Variants in BNIP2 observed in about 807,000 individuals in gnomAD.
The protein encoded by BNIP2 is BCL2/adenovirus E1B 19 kDa protein-interacting protein 2.
A neutral mutation model predicts 43.4 loss-of-function variants in BNIP2; 36 were observed. The ratio of observed to expected loss-of-function variants is 0.83; its 90% confidence interval spans 0.64 to 1.10. The LOEUF is 1.10. Ranked by LOEUF, BNIP2 falls within the 50% of genes least tolerant of loss-of-function variation. The pLI, the probability that BNIP2 is intolerant of heterozygous loss-of-function variation, is 0.00. For synonymous variants in BNIP2, 146 were observed against 121.0 expected, an observed-to-expected ratio of 1.21 and a Z score of -1.35; for missense variants, 417 against 374.1, an observed-to-expected ratio of 1.11 and a Z score of -0.95.
At chr15:59,667,028 C>T (rs1378206064) in intron 9 of BNIP2, among the ~76,000 whole-genome samples, 2 of 152,182 alleles carry the variant, frequency 1.3e-5, no homozygotes, top group African/African-American at 2.4e-5. Flanking sequence ...AAATATTCTA[C>T]AATTACAAAT....
At chr15:59,684,894 C>T (rs1432935169) in intron 1 of BNIP2, among the ~76,000 whole-genome samples, 1 of 152,130 alleles carries the variant, frequency 6.6e-6, no homozygotes, top group Admixed American at 6.5e-5. Flanking sequence ...ACCATGGTGC[C>T]TAGCACATAA....
intron 5 of BNIP2, chr15:59,676,827 C>G: frequency 6.5e-7 from 1 of 1,549,378 alleles, no homozygotes; most frequent in Non-Finnish European, 8.7e-7. Context: ...TACTACTTCC[C>G]TTCCTGCCGG....
intron 7 of BNIP2, 79 bp from the exon 8 acceptor site, chr15:59,669,441 A>C: frequency 9.5e-7 from 1 of 1,052,734 alleles, no homozygotes; most frequent in Non-Finnish European, 1.3e-6. Context: ...AGTTTATACA[A>C]AATAATAGTT....
chr15:59,684,284 T>G (rs1191889568), intron 1 of BNIP2, among the ~76,000 whole-genome samples: 1 of 152,252 alleles, frequency 6.6e-6, no homozygotes, highest in African/African-American at 2.4e-5. Context: ...CCACACCAAC[T>G]TATTTGCTTG....
intron 1 of BNIP2, among the ~76,000 whole-genome samples, chr15:59,686,779 G>A (rs1894041776): frequency 6.6e-6 from 1 of 152,192 alleles, no homozygotes; most frequent in Non-Finnish European, 1.5e-5. Context: ...CACTTTGGGA[G>A]GCTGAGGCGG....
chr15:59,672,917 A>G (rs1893026295), intron 5 of BNIP2, among the ~76,000 whole-genome samples, 178 bp from the exon 6 acceptor site: 1 of 152,188 alleles, frequency 6.6e-6, no homozygotes, highest in Non-Finnish European at 1.5e-5. Context: ...TCTTCTTCCC[A>G]AAAAGAGAAC....
Position 59,689,221 on chromosome 15 carries a change from C to T in BNIP2, c.-144G>A. ...ACGGCCAGGTCGCAAAAAGCAGGGCCGAGCGGAGCCCGCTCCCCTCGGTCG... is the reference window on the plus strand; with the variant it reads ...ACGGCCAGGTCGCAAAAAGCAGGGCTGAGCGGAGCCCGCTCCCCTCGGTCG... On this transcript the variant is annotated 5_prime_UTR_variant, in exon 1 of 10. Coordinates refer to ENST00000607373, the MANE Select transcript of BNIP2 (RefSeq NM_004330.4). 6.5e-7 allele frequency: 1 copy of T among 1,540,988 alleles called. No individual in the cohort carries two copies. Among genetic ancestry groups the T allele is most frequent in the Non-Finnish European group, 8.7e-7 (1 of 1,146,340 alleles).
rs571661328 is a variant in BNIP2, at chr15:59,668,995, G to C, written c.795-5C>G. On this transcript the variant is annotated splice_region_variant and splice_polypyrimidine_tract_variant and intron_variant, in intron 8 of 9. Transcript: ENST00000607373. ...ATTTTTTGGCTGAATTTCGAGCTAT[G>C]GAAGAAAATAAAAATAATTACTTCC... is the stretch of plus-strand genomic sequence containing the variant. The C allele has an allele frequency of 3.8e-5, 61 of 1,607,548 alleles. No homozygotes were observed. Among genetic ancestry groups the C allele is most frequent in the Admixed American group, 2.7e-4 (16 of 59,736 alleles).
At chr15:59,679,401 G>A (rs1433148784) in intron 4 of BNIP2, 191 bp downstream of exon 4, 3 of 479,702 alleles carry the variant, frequency 6.3e-6, no homozygotes, top group Non-Finnish European at 1.1e-5. Context: ...TGAGAGCAGT[G>A]GGCAAATAAG....
intron 2 of BNIP2, among the ~76,000 whole-genome samples, chr15:59,680,583 T>C (rs965657305): frequency 6.6e-6 from 1 of 152,154 alleles, no homozygotes; most frequent in Non-Finnish European, 1.5e-5. Flanking sequence ...TAATTTTTAG[T>C]AGAGACAGGG....
intron 7 of BNIP2, among the ~76,000 whole-genome samples, chr15:59,670,209 C>T (rs146429599): frequency 1.4e-4 from 22 of 152,256 alleles, no homozygotes; most frequent in African/African-American, 4.3e-4. Context: ...GCAGGTGGAT[C>T]GCTTTAGTCC....
At chr15:59,687,165 C>T (rs1217971877) in intron 1 of BNIP2, among the ~76,000 whole-genome samples, 1 of 152,152 alleles carries the variant, frequency 6.6e-6, no homozygotes, top group Non-Finnish European at 1.5e-5. Context: ...ATGCGGAACA[C>T]ACTTGAAAAT....
At chr15:59,680,525 G>C (rs1188902083) in intron 2 of BNIP2, among the ~76,000 whole-genome samples, 1 of 152,094 alleles carries the variant, frequency 6.6e-6, no homozygotes, top group Non-Finnish European at 1.5e-5. Context: ...GGGCTCAAGA[G>C]ATCCTCCCGA....
intron 5 of BNIP2, chr15:59,677,297 G>A (rs1893366588): frequency 6.3e-7 from 1 of 1,582,264 alleles, no homozygotes; most frequent in Admixed American, 1.8e-5. Flanking sequence ...TGGCACACCA[G>A]AAAGCCACAT....
chr15:59,676,729 G>A, intron 5 of BNIP2: 1 of 1,163,426 alleles, frequency 8.6e-7, no homozygotes, highest in Non-Finnish European at 1.2e-6. Context: ...GCCGCGCGGT[G>A]CGGTGCGGGC....
Position 59,676,805 on chromosome 15 carries a change from C to T in BNIP2, c.472+1106G>A, listed in dbSNP as rs957284089. Reference sequence around the variant, plus strand: ...GGATATCTGCGGTGGCCGCCTGGCCCTGCAGCGCCGCTACTACTTCCCTTC... The same window carrying T: ...GGATATCTGCGGTGGCCGCCTGGCCTTGCAGCGCCGCTACTACTTCCCTTC... On this transcript the variant is annotated intron_variant, in intron 5 of 9. Coordinates refer to ENST00000607373, the MANE Select transcript of BNIP2 (RefSeq NM_004330.4). 6.5e-6 allele frequency: 10 copies of T among 1,528,140 alleles called. No homozygotes were observed. The African/African-American group carries it at 1.4e-4, about 21-fold the overall frequency. 94.7% of individuals were successfully genotyped at this position (1,528,140 alleles called of 1,614,324 possible). A position where few individuals can be genotyped will look rare whatever the true frequency, so the allele number is the denominator to read the frequency against.
At chr15:59,673,238 G>A (rs182153624) in intron 5 of BNIP2, among the ~76,000 whole-genome samples, 30 of 151,548 alleles carry the variant, frequency 2.0e-4, no homozygotes, top group Admixed American at 1.8e-3. Flanking sequence ...CCTGCCTCCC[G>A]AGTAGCTGGG....
chr15:59,683,932 A>C (rs1893857088), intron 1 of BNIP2, among the ~76,000 whole-genome samples: 1 of 152,254 alleles, frequency 6.6e-6, no homozygotes, highest in African/African-American at 2.4e-5. Context: ...TTTATTAAAT[A>C]AAATCAATTA....
intron 4 of BNIP2, chr15:59,679,153 A>C (rs1893493210): frequency 1.1e-5 from 2 of 177,546 alleles, no homozygotes; most frequent in Non-Finnish European, 2.4e-5. Flanking sequence ...AATTACAAGT[A>C]ATAAGGAATA....
Sources: allele counts gnomAD v4.1 joint callset (sites outside exome capture counted in the v4.1 genomes callset), GRCh38; gene constraint gnomAD v4.1.1; transcripts MANE v1.5; gene names NCBI Gene and HGNC (gene_info 2026-07-23, HGNC 2026-07-21).